The following FGFR2 variants were observed in gnomAD, a reference collection of about 807,000 sequenced individuals.
The protein encoded by FGFR2 is fibroblast growth factor receptor 2, also known as BEK fibroblast growth factor receptor.
Under a neutral mutation model 95.9 loss-of-function variants are expected in FGFR2, and 19 were observed. The ratio of observed to expected loss-of-function variants is 0.20; its 90% CI spans 0.14 to 0.29. FGFR2 has a LOEUF of 0.29. FGFR2 is among the 10% of genes least tolerant of loss of function. The pLI is 1.00. For synonymous variants in FGFR2, 392 were observed against 393.3 expected (o/e 1.00, Z 0.04); for missense variants, 707 against 1,056.9 (o/e 0.67, Z 4.59).
At chr10:121,596,407 C>T in intron 1 of FGFR2, 1 of 196,678 alleles carries the variant, frequency 5.1e-6, no homozygotes, top group Non-Finnish European at 1.1e-5. Flanking sequence ...CAGACCAATA[C>T]AGTGCCCTCC....
At chr10:121,569,984 A>G (rs1449450874) in intron 2 of FGFR2, among the ~76,000 whole-genome samples, 1 of 152,230 alleles carries the variant, frequency 6.6e-6, no homozygotes, top group Non-Finnish European at 1.5e-5. Flanking sequence ...GGAGGATGTA[A>G]GTAAGAAGAG....
intron 6 of FGFR2, chr10:121,538,380 G>A (rs770595545): frequency 6.3e-5 from 51 of 815,760 alleles, no homozygotes; most frequent in African/African-American, 5.5e-4. Context: ...GGAACCATGA[G>A]GATCATGCAA....
chr10:121,577,178 T>TAGAG (rs1169688456), intron 2 of FGFR2, among the ~76,000 whole-genome samples: 71 of 5,200 alleles, frequency 0.014, no homozygotes, highest in Admixed American at 0.024. Flanking sequence ...TATATATATA[T>TAGAG]AGAGAGAGAG....
chr10:121,569,306 C>T (rs955903717), intron 2 of FGFR2, among the ~76,000 whole-genome samples: 6 of 151,836 alleles, frequency 4.0e-5, no homozygotes, highest in Admixed American at 1.3e-4. Context: ...CCGCAACCTC[C>T]GCCTCCCAGG....
At chr10:121,511,873 A>T (rs555068564) in intron 9 of FGFR2, among the ~76,000 whole-genome samples, 14 of 152,410 alleles carry the variant, frequency 9.2e-5, no homozygotes, top group Non-Finnish European at 1.6e-4. Context: ...TCAAAAAAAT[A>T]ACATAAACTG....
chr10:121,479,445 T>A lies in FGFR2; in HGVS notation c.*412A>T, dbSNP rs2133669121. The A allele has an allele frequency of 2.4e-6, 1 of 423,456 alleles. No individual in the cohort carries two copies. The highest frequency in any genetic ancestry group is 4.1e-6 in the Non-Finnish European group (1 of 242,498). The allele number at this position is 423,456 out of a possible 1,614,324, so 26.2% of individuals were successfully genotyped here. A position where few individuals can be genotyped will look rare whatever the true frequency, so the allele number is the denominator to read the frequency against. ...CTTGTAAATATATAATATATATTTA[T>A]ACATAATTTGAATATATTTACATAC... On this transcript the variant is annotated 3_prime_UTR_variant, in exon 18 of 18. Coordinates refer to ENST00000358487, the MANE Select transcript of FGFR2 (RefSeq NM_000141.5).
chr10:121,513,229 T>C (rs917631489), intron 9 of FGFR2, among the ~76,000 whole-genome samples: 1 of 152,220 alleles, frequency 6.6e-6, no homozygotes, highest in Non-Finnish European at 1.5e-5. Context: ...AGTATACATA[T>C]AATTACTTAA....
At chr10:121,561,295 G>A (rs538097504) in intron 4 of FGFR2, among the ~76,000 whole-genome samples, 12 of 152,034 alleles carry the variant, frequency 7.9e-5, no homozygotes, top group African/African-American at 2.9e-4. Flanking sequence ...GTGGTAGCAT[G>A]TACCTGTAAT....
chr10:121,501,680 A>T (rs1236900464), intron 10 of FGFR2, among the ~76,000 whole-genome samples: 1 of 152,200 alleles, frequency 6.6e-6, no homozygotes, highest in Non-Finnish European at 1.5e-5. Context: ...GGCTCTTTCT[A>T]ACTTAAGCAT....
At chr10:121,550,832 T>C (rs1268923606) in intron 5 of FGFR2, among the ~76,000 whole-genome samples, 2 of 152,198 alleles carry the variant, frequency 1.3e-5, no homozygotes, top group Non-Finnish European at 2.9e-5. Context: ...TTTTTTTTAA[T>C]ATCAAACCCT....
Position 121,496,577 on chromosome 10 carries a change from G to A in FGFR2, c.1818C>T (p.Cys606=), listed in dbSNP as rs371395564. 18 of 1,613,824 alleles carry A rather than the reference G, an allele frequency of 1.1e-5. No homozygotes were observed. The Admixed American group carries it at 2.0e-4, about 18-fold the overall frequency. ...EQMTFKDLVS[C]TYQLARGMEY... Reference sequence around the variant, plus strand: ...CCATGCCTCTGGCCAGCTGGTAGGTGCATGACACCAAGTCCTTGAAGGTCA... The same window carrying A: ...CCATGCCTCTGGCCAGCTGGTAGGTACATGACACCAAGTCCTTGAAGGTCA... Residue 606 remains cysteine (C), a synonymous_variant, in exon 13 of 18, where the codon TGC becomes TGT. Transcript: ENST00000358487.
At chr10:121,490,684 T>C (rs1416870903) in intron 13 of FGFR2, among the ~76,000 whole-genome samples, 4 of 152,156 alleles carry the variant, frequency 2.6e-5, no homozygotes, top group South Asian at 2.1e-4. Context: ...CAGAAAGTCT[T>C]ATCAGTCCAT....
At chr10:121,512,628 C>T (rs1039160785) in intron 9 of FGFR2, among the ~76,000 whole-genome samples, 1 of 152,024 alleles carries the variant, frequency 6.6e-6, no homozygotes. Flanking sequence ...CTCCTGGGTT[C>T]AAAGGATCCT....
chr10:121,589,831 T>A (rs544179593), intron 2 of FGFR2, among the ~76,000 whole-genome samples: 1 of 152,362 alleles, frequency 6.6e-6, no homozygotes, highest in South Asian at 2.1e-4. Context: ...TACAGTCAAC[T>A]CTTAAATATT....
chr10:121,495,820 C>T (rs570415890), intron 13 of FGFR2, among the ~76,000 whole-genome samples: 1 of 152,330 alleles, frequency 6.6e-6, no homozygotes, highest in East Asian at 1.9e-4. Context: ...GAGGCAGCTC[C>T]GCCCCTCCGC....
intron 2 of FGFR2, among the ~76,000 whole-genome samples, chr10:121,569,162 C>T (rs1037205490): frequency 6.6e-6 from 1 of 151,814 alleles, no homozygotes; most frequent in African/African-American, 2.4e-5. Flanking sequence ...TTAAGCACCA[C>T]GATTTTCAGA....
chr10:121,550,936 T>C (rs1265920521), intron 5 of FGFR2, among the ~76,000 whole-genome samples: 1 of 152,120 alleles, frequency 6.6e-6, no homozygotes, highest in Non-Finnish European at 1.5e-5. Context: ...AACAAAAATG[T>C]AGGGCTGGGC....
At chr10:121,546,127 A>G (rs1254104681) in intron 5 of FGFR2, among the ~76,000 whole-genome samples, 2 of 151,378 alleles carry the variant, frequency 1.3e-5, no homozygotes. Flanking sequence ...TCTGCATTAA[A>G]TTGCAATAAC....
At chr10:121,529,734 T>C (rs1412532048) in intron 6 of FGFR2, among the ~76,000 whole-genome samples, 1 of 152,100 alleles carries the variant, frequency 6.6e-6, no homozygotes, top group Non-Finnish European at 1.5e-5. Flanking sequence ...GATCTAGAAA[T>C]TTCCATCCCA....
Sources: allele counts gnomAD v4.1 joint callset (sites outside exome capture counted in the v4.1 genomes callset), GRCh38; gene constraint gnomAD v4.1.1; transcripts MANE v1.5; gene names NCBI Gene and HGNC (gene_info 2026-07-23, HGNC 2026-07-21).